Variants in TRPM1 observed in about 807,000 individuals in gnomAD.
TRPM1 encodes the protein TRPM1-203 APA Isoform, Intron 10.
In TRPM1, 113 loss-of-function variants were observed where a neutral mutation model predicts 149.4. That is an observed-to-expected ratio of 0.76 (90% confidence interval 0.65 to 0.88). The LOEUF is 0.88. Ranked by LOEUF, TRPM1 falls within the 40% of genes least tolerant of loss-of-function variation. TRPM1 has a pLI of 0.00. For missense variants in TRPM1, 1,976 were observed against 2,038.7 expected, an observed-to-expected ratio of 0.97 and a Z score of 0.59; for synonymous variants, 741 against 759.5, an observed-to-expected ratio of 0.98 and a Z score of 0.40.
intron 1 of TRPM1, among the ~76,000 whole-genome samples, chr15:31,088,583 A>G (rs1349864860): frequency 1.3e-5 from 2 of 152,244 alleles, no homozygotes; most frequent in East Asian, 1.9e-4. Context: ...TGAAGTGAGC[A>G]AGGCCAAGAA....
At chr15:31,064,630 T>G (rs3784597) in intron 7 of TRPM1, among the ~76,000 whole-genome samples, 2 of 152,290 alleles carry the variant, frequency 1.3e-5, no homozygotes, top group South Asian at 4.1e-4. Flanking sequence ...GGAAGTATCG[T>G]TGGTCTCAGC....
intron 1 of TRPM1, chr15:31,160,777 A>G: frequency 9.9e-7 from 1 of 1,008,106 alleles, no homozygotes; most frequent in East Asian, 2.6e-5. Flanking sequence ...CCCATGCCCC[A>G]TGCCCACCCA....
At chr15:31,151,184 G>GAT (rs1296828222) in intron 1 of TRPM1, among the ~76,000 whole-genome samples, 1 of 152,214 alleles carries the variant, frequency 6.6e-6, no homozygotes, top group East Asian at 1.9e-4. Context: ...AACTCCAGGC[G>GAT]ATACCTCACA....
At chr15:31,086,958 CA>C (rs1338416170) in intron 1 of TRPM1, among the ~76,000 whole-genome samples, 1 of 152,056 alleles carries the variant, frequency 6.6e-6, no homozygotes. Flanking sequence ...GAATGGCCAA[CA>C]AACATGAAAA....
Position 31,050,417 on chromosome 15 carries a change from G to T in TRPM1, c.1429C>A (p.Leu477Met). 6.2e-7 allele frequency: 1 copy of T among 1,614,126 alleles called. No homozygotes were observed. The highest frequency in any genetic ancestry group is 1.1e-5 in the South Asian group (1 of 91,076). ...TGTGACCTTCCACATACCCAGTTCA[G>T]CAGCTCTATCTTCCGGGGGTCAGTT... ...EETDPRKIEL[L>M]NWVNALEQAM... Residue 477 changes from leucine to methionine, a missense_variant, in exon 12 of 28, where the codon CTG becomes ATG. Physicochemically the swap from Leu to Met is conservative, Grantham distance 15. This residue lies in a region of TRPM1 where 1,332 missense variants were observed against 1,347.1 expected (regional missense o/e 0.99). Coordinates refer to ENST00000256552, the MANE Select transcript of TRPM1 (RefSeq NM_001252024.2).
chr15:31,139,988 G>A (rs1385771084), intron 1 of TRPM1, among the ~76,000 whole-genome samples: 1 of 152,126 alleles, frequency 6.6e-6, no homozygotes, highest in Non-Finnish European at 1.5e-5. Flanking sequence ...TTAAAACACT[G>A]AAACATTAAT....
intron 11 of TRPM1, among the ~76,000 whole-genome samples, chr15:31,055,786 T>C (rs1290685751): frequency 6.6e-6 from 1 of 152,140 alleles, no homozygotes; most frequent in Non-Finnish European, 1.5e-5. Flanking sequence ...GCAAAATGGG[T>C]TTCCATACCA....
In TRPM1 at chr15:31,076,915, C is replaced by T. The variant is rs189343111; in HGVS notation, c.73G>A (p.Asp25Asn). The T allele has an allele frequency of 6.2e-7, 1 of 1,606,750 alleles. No individual in the cohort carries two copies. Among genetic ancestry groups the T allele is most frequent in the Non-Finnish European group, 8.5e-7 (1 of 1,173,370 alleles). Reference protein sequence around the residue: ...ECIFVIPSMKDSNRCCCGQFT... With the variant: ...ECIFVIPSMKNSNRCCCGQFT... ...TGGATTTCAATTTACCTGTTAGAGT[C>T]TTTCATGCTAGGAATTACAAAGATA... The change falls in exon 3 of 28, where the codon GAC becomes AAC. Residue 25 changes from aspartate to asparagine, a missense_variant. Physicochemically the swap from Asp to Asn is conservative, Grantham distance 23. Around this residue, in one of 3 missense-constraint regions of TRPM1, gnomAD observed 1,332 missense variants for 1,347.1 expected, o/e 0.99. Coordinates refer to ENST00000256552, the MANE Select transcript of TRPM1 (RefSeq NM_001252024.2).
At chr15:31,160,087 A>G (rs2036425978) in intron 1 of TRPM1, among the ~76,000 whole-genome samples, 4 of 152,176 alleles carry the variant, frequency 2.6e-5, no homozygotes, top group South Asian at 2.1e-4. Context: ...CCCTCAGGGC[A>G]TGCAAGTGGT....
chr15:31,135,475 T>C (rs2036076117), intron 1 of TRPM1, among the ~76,000 whole-genome samples: 1 of 152,164 alleles, frequency 6.6e-6, no homozygotes, highest in South Asian at 2.1e-4. Context: ...CCTACCCAAG[T>C]ACATGCATAT....
In TRPM1 at chr15:31,001,782, T is replaced by A; in HGVS notation, c.*40A>T. On this transcript the variant is annotated 3_prime_UTR_variant, in exon 28 of 28. Transcript: ENST00000256552. ...TGGCCAAGATGACACCCATTAGTGG[T>A]TCTGACTGTTAAAAAAAAAAATTAA... 1 of 1,594,912 alleles carries A rather than the reference T, an allele frequency of 6.3e-7. No homozygotes were observed. The highest frequency in any genetic ancestry group is 1.1e-5 in the South Asian group (1 of 88,532).
chr15:31,010,412 G>A (rs2032142231), intron 27 of TRPM1, among the ~76,000 whole-genome samples: 1 of 152,108 alleles, frequency 6.6e-6, no homozygotes, highest in Admixed American at 6.5e-5. Context: ...GGTCTTTATA[G>A]TTATAAATAT....
chr15:31,054,030 G>C (rs529229938), intron 11 of TRPM1, among the ~76,000 whole-genome samples: 2 of 152,318 alleles, frequency 1.3e-5, no homozygotes, highest in Admixed American at 6.5e-5. Context: ...ACTAACAGTA[G>C]TCATATTCAT....
Position 31,047,887 on chromosome 15 carries a change from A to G in TRPM1, c.1623+2T>C, listed in dbSNP as rs1567017684. Reference sequence around the variant, plus strand: ...GTAAGAATTGTAAAACAGTAGACTGACCTTTTTCACATCCCTCACCAGCAG... The same window carrying G: ...GTAAGAATTGTAAAACAGTAGACTGGCCTTTTTCACATCCCTCACCAGCAG... On this transcript the variant is annotated splice_donor_variant, in intron 14 of 27. Coordinates refer to ENST00000256552, the MANE Select transcript of TRPM1 (RefSeq NM_001252024.2). LOFTEE classifies it high-confidence loss of function. 6.2e-7 allele frequency: 1 copy of G among 1,612,120 alleles called. No individual in the cohort carries two copies. Among genetic ancestry groups the G allele is most frequent in the Admixed American group, 1.7e-5 (1 of 60,024 alleles).
intron 1 of TRPM1, among the ~76,000 whole-genome samples, chr15:31,126,092 G>A (rs1272464276): frequency 2.0e-5 from 3 of 150,728 alleles, no homozygotes; most frequent in East Asian, 4.0e-4. Flanking sequence ...AGATCACACC[G>A]CTGCACTCCA....
At chr15:31,015,901 C>G (rs2032340633) in intron 27 of TRPM1, among the ~76,000 whole-genome samples, 1 of 152,162 alleles carries the variant, frequency 6.6e-6, no homozygotes, top group Admixed American at 6.5e-5. Context: ...TTCATCCCCA[C>G]ATTTCCTCAA....
intron 20 of TRPM1, among the ~76,000 whole-genome samples, 186 bp downstream of exon 20, chr15:31,037,525 A>G (rs539397343): frequency 6.6e-6 from 1 of 152,362 alleles, no homozygotes; most frequent in Admixed American, 6.5e-5. Flanking sequence ...ATATATCAAT[A>G]TGTGACAGGA....
At chr15:31,022,225 A>G (rs1490573439) in intron 27 of TRPM1, among the ~76,000 whole-genome samples, 1 of 152,244 alleles carries the variant, frequency 6.6e-6, no homozygotes. Context: ...GTGGATGTGC[A>G]GAAGACACAG....
rs1201253291 is a variant in TRPM1 at position 31,050,566 on chromosome 15, G to T, written c.1280C>A (p.Ala427Glu). The T allele has an allele frequency of 1.2e-6, 2 of 1,614,056 alleles. No homozygotes were observed. The highest frequency in any genetic ancestry group is 8.5e-7 in the Non-Finnish European group (1 of 1,180,032). The change falls in exon 12 of 28, where the codon GCA (alanine) becomes GAA (glutamate). Residue 427 changes from alanine (A) to glutamate (E), a missense_variant. This residue lies in a region of TRPM1 where 1,332 missense variants were observed against 1,347.1 expected (regional missense o/e 0.99). Transcript: ENST00000256552. Reference sequence around the variant, plus strand: ...CGTGGCTTTGCTGTCCGTCGGGGGTGCCAGGCTTCCCAGGGGCTGCAGTCC... The same window carrying T: ...CGTGGCTTTGCTGTCCGTCGGGGGTTCCAGGCTTCCCAGGGGCTGCAGTCC... ...GPHWPPLGSLAPPTDSKATEK... is the reference protein window; with the variant it reads ...GPHWPPLGSLEPPTDSKATEK...
Sources: gnomAD v4.1 joint callset for allele counts (sites outside exome capture counted in the v4.1 genomes callset) on GRCh38, gnomAD v4.1.1 for gene constraint, gnomAD v4.1.1 regional missense constraint, MANE v1.5 for transcripts, NCBI Gene and HGNC (gene_info 2026-07-23, HGNC 2026-07-21) for gene names.